The following PCDHA13 variants were observed in gnomAD, a reference collection of about 807,000 sequenced individuals.
PCDHA13 encodes the protein protocadherin alpha 13.
A neutral mutation model predicts 64.8 loss-of-function variants in PCDHA13; 54 were observed. The observed-to-expected ratio is 0.83, with a 90% CI of 0.67 to 1.04. The LOEUF (loss-of-function observed/expected upper bound fraction) is 1.04. PCDHA13 is among the 50% of genes least tolerant of loss of function. The probability of loss-of-function intolerance (pLI) is 0.00; values close to 1 mark genes in which losing one functional copy is unlikely to be tolerated. For synonymous variants in PCDHA13, 587 were observed against 564.4 expected (o/e 1.04, Z -0.57); for missense variants, 1,248 against 1,254.3 (o/e 0.99, Z 0.08).
chr5:140,920,180 T>C (rs1386784105), intron 1 of PCDHA13, among the ~76,000 whole-genome samples: 1 of 152,198 alleles, frequency 6.6e-6, no homozygotes, highest in Admixed American at 6.5e-5. Context: ...ACCCAGTGTG[T>C]AGTAATTTGT....
intron 1 of PCDHA13, chr5:140,928,602 GC>G: frequency 1.2e-6 from 2 of 1,614,176 alleles, no homozygotes; most frequent in Non-Finnish European, 1.7e-6. Flanking sequence ...TGGAAATTGT[GC>G]CCCGCTCTGC....
intron 1 of PCDHA13, chr5:140,967,457 G>A: frequency 6.2e-7 from 1 of 1,613,614 alleles, no homozygotes; most frequent in Non-Finnish European, 8.5e-7. Context: ...CACAGCCGTG[G>A]ATGGGGGCAT....
chr5:140,884,354 G>A lies in PCDHA13; in HGVS notation c.2086G>A (p.Val696Ile), dbSNP rs2060118274. ...AVGPEAALVD[V>I]NVYLIIAICA... ...GGGTCCAGAAGCGGCGCTGGTGGAT[G>A]TCAATGTTTACTTGATCATTGCCAT... is the stretch of plus-strand genomic sequence containing the variant. The change falls in exon 1 of 4, where the codon GTC becomes ATC. Residue 696 changes from valine to isoleucine, a missense_variant. Val to Ile is a conservative substitution (Grantham distance 29). Coordinates refer to ENST00000289272, the MANE Select transcript of PCDHA13 (RefSeq NM_018904.3). The A allele has an allele frequency of 6.2e-7, 1 of 1,613,952 alleles. No homozygotes were observed. The highest frequency in any genetic ancestry group is 1.3e-5 in the African/African-American group (1 of 75,052).
At chr5:140,932,247 G>A (rs1463272112) in intron 1 of PCDHA13, among the ~76,000 whole-genome samples, 2 of 151,822 alleles carry the variant, frequency 1.3e-5, no homozygotes, top group Non-Finnish European at 3.0e-5. Context: ...ATCTAAGAGG[G>A]TACCTCTGAG....
Position 140,997,511 on chromosome 5 carries a change from G to A in PCDHA13, c.2543-12116G>A, listed in dbSNP as rs565737825. Among the ~76,000 whole-genome samples, 79 of 152,108 alleles carry A rather than the reference G, an allele frequency of 5.2e-4. No individual in the cohort carries two copies. In the South Asian group the frequency reaches 1.0e-2, roughly 19 times the overall value. ...TTTGTGTATCTCAACATACCTAAACGCAGAAAAAGTACAATAAAAATACAT... is the reference window on the plus strand; with the variant it reads ...TTTGTGTATCTCAACATACCTAAACACAGAAAAAGTACAATAAAAATACAT... On this transcript the variant is annotated intron_variant, in intron 3 of 3. Transcript: ENST00000289272.
At chr5:141,007,000 G>A (rs2098298646) in intron 3 of PCDHA13, among the ~76,000 whole-genome samples, 1 of 152,128 alleles carries the variant, frequency 6.6e-6, no homozygotes, top group South Asian at 2.1e-4. Flanking sequence ...ATATAAGTCT[G>A]CATCTCATCA....
At chr5:140,949,222 G>T (rs1472220330) in intron 1 of PCDHA13, among the ~76,000 whole-genome samples, 1 of 151,662 alleles carries the variant, frequency 6.6e-6, no homozygotes, top group Non-Finnish European at 1.5e-5. Flanking sequence ...GTTTAGACTT[G>T]TTCTGTGGCC....
chr5:140,969,264 C>T, intron 1 of PCDHA13: 1 of 1,614,208 alleles, frequency 6.2e-7, no homozygotes, highest in Non-Finnish European at 8.5e-7. Flanking sequence ...AGGAATCTCA[C>T]AGGCCAAAGT....
intron 1 of PCDHA13, among the ~76,000 whole-genome samples, chr5:140,946,349 G>A (rs1412325014): frequency 6.6e-6 from 1 of 151,910 alleles, no homozygotes; most frequent in Non-Finnish European, 1.5e-5. Flanking sequence ...TGGAGAGGAT[G>A]TGGAGAAAAG....
chr5:140,916,469 T>C (rs1051023499), intron 1 of PCDHA13, among the ~76,000 whole-genome samples: 2 of 152,194 alleles, frequency 1.3e-5, no homozygotes, highest in African/African-American at 4.8e-5. Flanking sequence ...TGCTGGTTAT[T>C]TGGTGCCCAA....
intron 3 of PCDHA13, among the ~76,000 whole-genome samples, chr5:140,995,470 T>C (rs543327839): frequency 5.6e-4 from 86 of 152,360 alleles, no homozygotes; most frequent in Middle Eastern, 3.4e-3. Flanking sequence ...TTGAAATTTT[T>C]CATTTAATAT....
At chr5:140,978,455 G>A (rs782473387) in intron 1 of PCDHA13, among the ~76,000 whole-genome samples, 21 of 152,302 alleles carry the variant, frequency 1.4e-4, no homozygotes, top group Non-Finnish European at 2.8e-4. Context: ...GGGCACATCC[G>A]CCCTGGGTCA....
intron 1 of PCDHA13, among the ~76,000 whole-genome samples, chr5:140,924,894 CAAAA>C (rs782133089): frequency 1.1e-4 from 8 of 71,470 alleles, no homozygotes; most frequent in African/African-American, 3.4e-4. Flanking sequence ...GAACCTGTCT[CAAAA>C]AAAAAAATAA....
chr5:140,893,384 G>T (rs2063960240), intron 1 of PCDHA13, among the ~76,000 whole-genome samples: 1 of 152,168 alleles, frequency 6.6e-6, no homozygotes, highest in South Asian at 2.1e-4. Flanking sequence ...ATGGGACAGT[G>T]GCTCATGCCT....
intron 1 of PCDHA13, among the ~76,000 whole-genome samples, chr5:140,924,578 T>C (rs80037494): frequency 0.013 from 2,025 of 152,202 alleles, 55 homozygotes; most frequent in Admixed American, 0.052. Flanking sequence ...TTAAATGTTT[T>C]CAAATATTAT....
chr5:140,926,797 T>C (rs2153584735), intron 1 of PCDHA13: 2 of 1,450,476 alleles, frequency 1.4e-6, no homozygotes, highest in Admixed American at 2.7e-5. Flanking sequence ...AGGAGCGTGC[T>C]CTTCCCCGCG....
chr5:140,970,018 C>G (rs1383957568), intron 1 of PCDHA13, among the ~76,000 whole-genome samples: 9 of 151,942 alleles, frequency 5.9e-5, no homozygotes, highest in African/African-American at 2.2e-4. Context: ...GATGGTGAGG[C>G]AGAGAGATTA....
intron 3 of PCDHA13, among the ~76,000 whole-genome samples, chr5:140,982,966 G>A (rs1407279371): frequency 6.6e-6 from 1 of 151,986 alleles, no homozygotes; most frequent in African/African-American, 2.4e-5. Flanking sequence ...CCCACCCAAA[G>A]TAGTAAGGAA....
At chr5:140,973,040 T>G (rs529820612) in intron 1 of PCDHA13, among the ~76,000 whole-genome samples, 23 of 152,264 alleles carry the variant, frequency 1.5e-4, no homozygotes, top group African/African-American at 5.5e-4. Flanking sequence ...CTTTGAGTAC[T>G]CTAGTAGATT....
Sources: gnomAD v4.1 joint callset for allele counts (sites outside exome capture counted in the v4.1 genomes callset) on GRCh38, gnomAD v4.1.1 for gene constraint, MANE v1.5 for transcripts, NCBI Gene and HGNC (gene_info 2026-07-23, HGNC 2026-07-21) for gene names.